The following EPHB1 variants were observed in gnomAD, a reference collection of about 807,000 sequenced individuals.
EPHB1 encodes the protein EPH receptor B1, also known as ephrin type-B receptor 1.
Under a neutral mutation model 94.4 loss-of-function variants are expected in EPHB1, and 30 were observed. The ratio of observed to expected loss-of-function variants is 0.32; its 90% CI spans 0.24 to 0.43. The LOEUF is 0.43. Among genes scored for constraint, EPHB1 ranks in the 20% least tolerant of loss-of-function variants. The pLI is 1.00. For synonymous variants in EPHB1, 522 were observed against 489.1 expected (o/e 1.07, Z -0.89); for missense variants, 1,055 against 1,308.3 (o/e 0.81, Z 2.99).
chr3:135,165,631 C>T (rs3772638), intron 7 of EPHB1, among the ~76,000 whole-genome samples: 36,106 of 152,106 alleles, frequency 0.24, 5,439 homozygotes, highest in East Asian at 0.55. Context: ...AAGTCCCCTT[C>T]ATTGGAATGT....
At position 135,059,838 on chromosome 3, in the gene EPHB1, C is replaced by T. The variant is rs185788976; in HGVS notation, c.806-46610C>T. On this transcript the variant is annotated intron_variant, in intron 3 of 15. Coordinates refer to ENST00000398015, the MANE Select transcript of EPHB1 (RefSeq NM_004441.5). ...GCCACCACTAATGCGTGACCTTTGG[C>T]GTGTCCCCATGGCCCGTTTGGGCCT... Among the ~76,000 whole-genome samples the T allele has an allele frequency of 5.9e-5, 9 of 152,280 alleles. No individual in the cohort carries two copies. The East Asian group carries it at 1.2e-3, about 20-fold the overall frequency.
intron 8 of EPHB1, among the ~76,000 whole-genome samples, chr3:135,166,568 G>A (rs1329094965): frequency 1.3e-5 from 2 of 152,188 alleles, no homozygotes; most frequent in African/African-American, 4.8e-5. Context: ...GCCTTCAGTG[G>A]TTAGCCCAGA....
intron 9 of EPHB1, among the ~76,000 whole-genome samples, chr3:135,168,290 A>G (rs545332922): frequency 1.5e-4 from 23 of 152,328 alleles, no homozygotes; most frequent in Non-Finnish European, 3.1e-4. Flanking sequence ...ACGGTGCCCC[A>G]GGGGAGCCCC....
At chr3:135,110,433 C>T (rs1386578105) in intron 4 of EPHB1, among the ~76,000 whole-genome samples, 2 of 152,184 alleles carry the variant, frequency 1.3e-5, no homozygotes, top group Non-Finnish European at 2.9e-5. Context: ...TCCCTCCTGA[C>T]TGCCACTGAG....
At chr3:135,195,745 T>G (rs10935155) in intron 11 of EPHB1, among the ~76,000 whole-genome samples, 26,701 of 90,836 alleles carry the variant, frequency 0.29, 3,912 homozygotes, top group East Asian at 0.51. Context: ...TGTTGGACAT[T>G]TGGGTTGGTT....
chr3:135,036,506 A>G (rs1936653662), intron 3 of EPHB1, among the ~76,000 whole-genome samples: 1 of 152,080 alleles, frequency 6.6e-6, no homozygotes, highest in Non-Finnish European at 1.5e-5. Flanking sequence ...GTGCCCTGAG[A>G]CTGAGAGAGA....
chr3:135,171,590 T>C (rs1345310286), intron 9 of EPHB1, among the ~76,000 whole-genome samples: 2 of 152,184 alleles, frequency 1.3e-5, no homozygotes, highest in African/African-American at 2.4e-5. Flanking sequence ...GCAGGATAAA[T>C]CTGGAATCTC....
intron 5 of EPHB1, among the ~76,000 whole-genome samples, chr3:135,137,495 C>G (rs1440669812): frequency 1.3e-5 from 2 of 152,198 alleles, no homozygotes; most frequent in East Asian, 3.9e-4. Context: ...CAAGCATGCT[C>G]TGTTTTCCAT....
chr3:135,021,975 G>A (rs1469755076), intron 3 of EPHB1, among the ~76,000 whole-genome samples: 1 of 143,442 alleles, frequency 7.0e-6, no homozygotes, highest in Non-Finnish European at 1.6e-5. Flanking sequence ...GTTGAATGTT[G>A]TGTTTTGTTT....
chr3:135,060,594 C>A (rs924007934), intron 3 of EPHB1, among the ~76,000 whole-genome samples: 3 of 152,084 alleles, frequency 2.0e-5, no homozygotes, highest in Non-Finnish European at 4.4e-5. Context: ...GTATTTGAAG[C>A]ATTATCAGAC....
At chr3:134,995,593 A>G (rs1183558633) in intron 3 of EPHB1, among the ~76,000 whole-genome samples, 1 of 152,228 alleles carries the variant, frequency 6.6e-6, no homozygotes, top group Non-Finnish European at 1.5e-5. Context: ...TAAGACCACA[A>G]TGATATATCA....
rs559877399 is a variant in EPHB1, at chr3:135,131,923, G to T, written c.962-791G>T. Among the ~76,000 whole-genome samples the T allele has an allele frequency of 9.9e-5, 15 of 152,206 alleles. 1 individual carries two copies. In the South Asian group the frequency reaches 2.9e-3, roughly 30 times the overall value. Reference sequence around the variant, plus strand: ...GGCTTCAGTTCTTACAGAGCTATGCGATCTATAGCCAGCCTCCTTTCTAAG... The same window carrying T: ...GGCTTCAGTTCTTACAGAGCTATGCTATCTATAGCCAGCCTCCTTTCTAAG... On this transcript the variant is annotated intron_variant, in intron 4 of 15. Coordinates refer to ENST00000398015, the MANE Select transcript of EPHB1 (RefSeq NM_004441.5).
Position 135,183,015 on chromosome 3 carries a change from CT to C in EPHB1, c.1882+3037del, listed in dbSNP as rs1304889803. On this transcript the variant is annotated intron_variant, in intron 10 of 15. Transcript: ENST00000398015. ...CTTTTCTTTTCTTTTCTTTTCTTTTCTTTTCTTTTCTTTTCTTTCTTTCTTT... is the reference window on the plus strand; with the variant it reads ...CTTTTCTTTTCTTTTCTTTTCTTTTCTTTCTTTTCTTTTCTTTCTTTCTTT... 3.1e-3 allele frequency among the ~76,000 whole-genome samples: 198 copies of C among 64,314 alleles called. 1 individual carries two copies. The highest frequency in any genetic ancestry group is 7.9e-3 in the Middle Eastern group (1 of 126). 42.2% of individuals were successfully genotyped at this position (64,314 alleles called of 152,430 possible). A position where few individuals can be genotyped will look rare whatever the true frequency, so the allele number is the denominator to read the frequency against.
At chr3:134,796,268 T>C (rs2035825473) in intron 1 of EPHB1, 1 of 162,272 alleles carries the variant, frequency 6.2e-6, no homozygotes, top group African/African-American at 2.4e-5. Context: ...GTGGAGTTCA[T>C]TGGCCGTACC....
chr3:135,179,957 G>A lies in EPHB1; in HGVS notation c.1857G>A (p.Val619=). The A allele has an allele frequency of 6.2e-7, 1 of 1,613,930 alleles. No individual in the cohort carries two copies. Among genetic ancestry groups the A allele is most frequent in the Non-Finnish European group, 8.5e-7 (1 of 1,179,822 alleles). ...EFAKEIDVSF[V]KIEEVIGAGE... The stretch of plus-strand genomic sequence containing the variant: ...CCAAGGAGATTGATGTATCTTTTGT[G>A]AAAATTGAAGAGGTCATCGGAGCAG... Residue 619 remains valine, a synonymous_variant, in exon 10 of 16, where the codon GTG becomes GTA. Transcript: ENST00000398015.
intron 5 of EPHB1, among the ~76,000 whole-genome samples, chr3:135,152,888 C>A (rs1559853217): frequency 6.6e-6 from 1 of 152,152 alleles, no homozygotes; most frequent in Non-Finnish European, 1.5e-5. Context: ...CATTTCACAG[C>A]CACCACAAGG....
chr3:134,846,885 A>C (rs1338919700), intron 1 of EPHB1, among the ~76,000 whole-genome samples: 1 of 152,180 alleles, frequency 6.6e-6, no homozygotes, highest in Non-Finnish European at 1.5e-5. Flanking sequence ...GGCAAAAACA[A>C]AAGAATCCAT....
intron 1 of EPHB1, among the ~76,000 whole-genome samples, chr3:134,821,322 T>C (rs2036376517): frequency 6.6e-6 from 1 of 152,180 alleles, no homozygotes; most frequent in African/African-American, 2.4e-5. Flanking sequence ...TGGCAGTTAC[T>C]TGAGCGACCA....
At chr3:134,940,937 A>G (rs1261703451) in intron 2 of EPHB1, among the ~76,000 whole-genome samples, 3 of 152,242 alleles carry the variant, frequency 2.0e-5, no homozygotes, top group Non-Finnish European at 4.4e-5. Context: ...GCTGGGTTTG[A>G]AACAAATCAG....
Sources: gnomAD v4.1 joint callset for allele counts (sites outside exome capture counted in the v4.1 genomes callset) on GRCh38, gnomAD v4.1.1 for gene constraint, MANE v1.5 for transcripts, NCBI Gene and HGNC (gene_info 2026-07-23, HGNC 2026-07-21) for gene names.